Variants in SYAP1 observed in about 807,000 individuals in gnomAD.
SYAP1 encodes the protein synapse associated protein 1, also known as synapse-associated protein 1.
In SYAP1, 3 loss-of-function variants were observed where a neutral mutation model predicts 29.6. That is an observed-to-expected ratio of 0.10 (90% CI 0.05 to 0.26). The LOEUF is 0.26. Among genes scored for constraint, SYAP1 ranks in the 10% least tolerant of loss-of-function variants. The pLI, the probability that SYAP1 is intolerant of heterozygous loss-of-function variation, is 1.00. For synonymous variants in SYAP1, 102 were observed against 102.7 expected, an observed-to-expected ratio of 0.99 and a Z score of 0.04; for missense variants, 217 against 264.1, an observed-to-expected ratio of 0.82 and a Z score of 1.24.
chrX:16,736,032 C>CT, intron 2 of SYAP1, 134 bp from the exon 3 acceptor site: 1 of 471,238 alleles, frequency 2.1e-6, no homozygotes, highest in Non-Finnish European at 3.8e-6. Context: ...TTTTAAGACT[C>CT]TAAGGAGTGA....
intron 8 of SYAP1, among the ~76,000 whole-genome samples, chrX:16,757,983 C>G (rs897802268): frequency 2.7e-5 from 3 of 111,348 alleles, no homozygotes; most frequent in Non-Finnish European, 5.6e-5. Flanking sequence ...ATGGAAGATT[C>G]TTTTCCCAGC....
chrX:16,749,862 G>A (rs747174928), intron 5 of SYAP1, among the ~76,000 whole-genome samples: 1 of 102,799 alleles, frequency 9.7e-6, no homozygotes, highest in East Asian at 3.1e-4. Flanking sequence ...AGTGAGCCGA[G>A]ATTGTGCCAC....
At chrX:16,756,759 T>A (rs367912756) in intron 7 of SYAP1, 38 bp downstream of exon 7, 4 of 1,125,400 alleles carry the variant, frequency 3.6e-6, no homozygotes, top group Non-Finnish European at 4.9e-6. Context: ...AGTTGATATC[T>A]GGAAATAAAG....
chrX:16,733,873 G>C (rs1926264604), intron 1 of SYAP1, among the ~76,000 whole-genome samples: 1 of 109,292 alleles, frequency 9.1e-6, no homozygotes, highest in African/African-American at 3.3e-5. Flanking sequence ...TCACCATGTT[G>C]GTCAGACTGG....
At chrX:16,720,695 C>G (rs1033570483) in intron 1 of SYAP1, among the ~76,000 whole-genome samples, 1 of 111,832 alleles carries the variant, frequency 8.9e-6, no homozygotes, top group Non-Finnish European at 1.9e-5. Flanking sequence ...TCTGGAGAGA[C>G]CATGGTGGGC....
intron 3 of SYAP1, among the ~76,000 whole-genome samples, chrX:16,739,329 G>A (rs1926398300): frequency 9.1e-6 from 1 of 110,324 alleles, no homozygotes; most frequent in African/African-American, 3.3e-5. Flanking sequence ...TTCTCTCAGT[G>A]GGCTCGTGAT....
rs769730206 is a variant in SYAP1, at chrX:16,720,597, C to T, written c.175+698C>T. Reference sequence around the variant, plus strand: ...CTTCGATCTTTCTCATTTTAAAGCCCGTGCTCTTTCCAAGTTTACAGTCTA... The same window carrying T: ...CTTCGATCTTTCTCATTTTAAAGCCTGTGCTCTTTCCAAGTTTACAGTCTA... On this transcript the variant is annotated intron_variant, in intron 1 of 8. Transcript: ENST00000380155. Among the ~76,000 whole-genome samples the T allele has an allele frequency of 7.1e-5, 8 of 112,293 alleles. No homozygotes were observed. In the South Asian group the frequency reaches 2.2e-3, roughly 31 times the overall value.
chrX:16,743,927 C>T, intron 5 of SYAP1, 87 bp downstream of exon 5: 1 of 1,044,876 alleles, frequency 9.6e-7, no homozygotes, highest in Non-Finnish European at 1.3e-6. Flanking sequence ...CCAAAAGGGT[C>T]TCTATCTGTT....
At chrX:16,734,416 A>T (rs1003087689) in intron 1 of SYAP1, among the ~76,000 whole-genome samples, 1 of 109,538 alleles carries the variant, frequency 9.1e-6, no homozygotes, top group African/African-American at 3.3e-5. Flanking sequence ...TTCTGTTTCT[A>T]CTAGGGCTTG....
chrX:16,742,114 C>T (rs1926473387), intron 4 of SYAP1, among the ~76,000 whole-genome samples: 2 of 100,529 alleles, frequency 2.0e-5, no homozygotes, highest in Admixed American at 1.1e-4. Flanking sequence ...TACAGGCATG[C>T]GCCACCATGC....
At chrX:16,745,985 G>A (rs1387101252) in intron 5 of SYAP1, among the ~76,000 whole-genome samples, 1 of 109,921 alleles carries the variant, frequency 9.1e-6, no homozygotes, top group African/African-American at 3.3e-5. Flanking sequence ...TAGCCTTTTG[G>A]TTCACACAGC....
chrX:16,734,516 G>C (rs911387408), intron 1 of SYAP1, among the ~76,000 whole-genome samples: 1 of 111,171 alleles, frequency 9.0e-6, no homozygotes, highest in Non-Finnish European at 1.9e-5. Context: ...TCTTTGAACA[G>C]GAGGGAAGGA....
intron 5 of SYAP1, among the ~76,000 whole-genome samples, chrX:16,747,026 C>T (rs996293827): frequency 8.9e-6 from 1 of 112,201 alleles, no homozygotes; most frequent in Admixed American, 9.5e-5. Context: ...CAGTAGCTTA[C>T]TGTAGCCTTG....
rs1298075761 is a variant in SYAP1 at position 16,719,675 on chromosome X, C to G, written c.-50C>G. The G allele has an allele frequency of 5.1e-6, 6 of 1,174,660 alleles. No homozygotes were observed. Among genetic ancestry groups the G allele is most frequent in the African/African-American group, 1.8e-5 (1 of 56,860 alleles). ...AGAGTGGAGTCAAAGGCAACCAGTG[C>G]TCGCTGCGGTCTCTGGGGATCGGGA... On this transcript the variant is annotated 5_prime_UTR_variant, in exon 1 of 9. Coordinates refer to ENST00000380155, the MANE Select transcript of SYAP1 (RefSeq NM_032796.4).
intron 3 of SYAP1, among the ~76,000 whole-genome samples, chrX:16,738,903 G>A (rs1407265342): frequency 9.0e-6 from 1 of 111,678 alleles, no homozygotes; most frequent in Non-Finnish European, 1.9e-5. Flanking sequence ...TGTTACCTCC[G>A]TTTTCCAGAT....
chrX:16,757,034 A>G (rs916816456), intron 7 of SYAP1, 128 bp from the exon 8 acceptor site: 37 of 876,693 alleles, frequency 4.2e-5, no homozygotes, highest in Middle Eastern at 3.0e-4. Context: ...AGCAGTGCTC[A>G]TTGTCTTACA....
chrX:16,747,299 C>T (rs1229098859), intron 5 of SYAP1, among the ~76,000 whole-genome samples: 1 of 111,963 alleles, frequency 8.9e-6, no homozygotes, highest in Non-Finnish European at 1.9e-5. Context: ...TGTGTATGTG[C>T]TTGTGTGTGT....
rs376683249 is a variant in SYAP1, at chrX:16,760,196, A to G, written c.932-36A>G. ...TTGTGAACACCAGCATTATGAATTC[A>G]GAGAGAATCTTTTTCTTCTCCTTTG... is the stretch of plus-strand genomic sequence containing the variant. On this transcript the variant is annotated intron_variant, in intron 8 of 8. Transcript: ENST00000380155. The G allele has an allele frequency of 2.4e-5, 27 of 1,148,389 alleles. No homozygotes were observed. In the Admixed American group the frequency reaches 2.6e-4, roughly 11 times the overall value. 94.6% of individuals were successfully genotyped at this position (1,148,389 alleles called of 1,213,427 possible). A position where few individuals can be genotyped will look rare whatever the true frequency, so the allele number is the denominator to read the frequency against.
Position 16,760,331 on chromosome X carries a change from T to C in SYAP1, c.1031T>C (p.Ile344Thr). The change falls in exon 9 of 9, where the codon ATA (isoleucine) becomes ACA (threonine). Residue 344 changes from isoleucine to threonine, a missense_variant. By Grantham distance (89) the Ile-to-Thr change is moderately conservative. Transcript: ENST00000380155. ...EKRDENWDKE[I>T]EKMLQEEN ...CGAGATGAAAACTGGGATAAGGAAA[T>C]AGAGAAAATGCTTCAAGAGGAAAAT... 1 of 1,198,360 alleles carries C rather than the reference T, an allele frequency of 8.3e-7. No individual in the cohort carries two copies. The highest frequency in any genetic ancestry group is 1.1e-6 in the Non-Finnish European group (1 of 890,512).
Sources: allele counts gnomAD v4.1 joint callset (sites outside exome capture counted in the v4.1 genomes callset), GRCh38; gene constraint gnomAD v4.1.1; transcripts MANE v1.5; gene names NCBI Gene and HGNC (gene_info 2026-07-23, HGNC 2026-07-21).